The following ARMH4 variants were observed in gnomAD, a reference collection of about 807,000 sequenced individuals.
ARMH4 encodes armadillo like helical domain containing 4.
In ARMH4, 49 loss-of-function variants were observed where a neutral mutation model predicts 61.9. The observed-to-expected ratio is 0.79, with a 90% CI of 0.63 to 1.00. ARMH4 has a LOEUF of 1.00. Among genes scored for constraint, ARMH4 ranks in the 50% least tolerant of loss-of-function variants. ARMH4 has a pLI of 0.00. For synonymous variants in ARMH4, 368 were observed against 341.5 expected (o/e 1.08, Z -0.85); for missense variants, 934 against 930.0 (o/e 1.00, Z -0.06).
rs1300295044 is a variant in ARMH4, at chr14:58,001,064, A to T, written c.*3672T>A. ...CAAGCACCATTTTGCCTCTGCCCTT[A>T]TGAGTTTGATTATTTTGGATACCTC... On this transcript the variant is annotated 3_prime_UTR_variant, in exon 8 of 8. Coordinates refer to ENST00000267485, the MANE Select transcript of ARMH4 (RefSeq NM_001001872.4). The T allele has an allele frequency of 6.6e-6, 1 of 152,190 alleles. No homozygotes were observed. Among genetic ancestry groups the T allele is most frequent in the African/African-American group, 2.4e-5 (1 of 41,446 alleles). The allele number at this position is 152,190 out of a possible 1,614,324, so 9.4% of individuals were successfully genotyped here.
chr14:58,110,890 T>C (rs1246733675), intron 4 of ARMH4, among the ~76,000 whole-genome samples: 1 of 148,230 alleles, frequency 6.7e-6, no homozygotes, highest in East Asian at 1.9e-4. Context: ...GCCCAGCTAA[T>C]TTTTTTTATT....
intron 5 of ARMH4, among the ~76,000 whole-genome samples, chr14:58,015,966 T>G (rs940115170): frequency 2.0e-5 from 3 of 151,746 alleles, no homozygotes; most frequent in Non-Finnish European, 2.9e-5. Flanking sequence ...CAACTGTAAT[T>G]TTTAAAAAAT....
rs769751797 is a variant in ARMH4, at chr14:58,133,388, T to A, written c.1370-47A>T. On this transcript the variant is annotated intron_variant, in intron 2 of 7. Transcript: ENST00000267485. ...AAAAATAGACCAAATCCCTATTTTTTTAAAAAAAAAAAATCATGATATGAT... is the reference window on the plus strand; with the variant it reads ...AAAAATAGACCAAATCCCTATTTTTATAAAAAAAAAAAATCATGATATGAT... 2,421 of 1,367,142 alleles carry A rather than the reference T, an allele frequency of 1.8e-3. 2 individuals carry two copies. The highest frequency in any genetic ancestry group is 6.2e-3 in the African/African-American group (420 of 68,238). 84.7% of individuals were successfully genotyped at this position (1,367,142 alleles called of 1,614,324 possible).
rs1319272345 is a variant in ARMH4 at position 58,138,637 on chromosome 14, G to T, written c.722C>A (p.Ser241Tyr). The change falls in exon 2 of 8, where the codon TCC becomes TAC. Residue 241 changes from serine to tyrosine, a missense_variant. Coordinates refer to ENST00000267485, the MANE Select transcript of ARMH4 (RefSeq NM_001001872.4). ...HRTTSFPGAE[S>Y]TAGSEPGSLT... ...GCTTCCAGGCTCACTGCCTGCTGTG[G>T]ACTCAGCACCAGGAAAAGAAGTTGT... 1 of 1,614,044 alleles carries T rather than the reference G, an allele frequency of 6.2e-7. No individual in the cohort carries two copies. Among genetic ancestry groups the T allele is most frequent in the Non-Finnish European group, 8.5e-7 (1 of 1,180,014 alleles).
chr14:58,121,038 C>T (rs1886705965), intron 4 of ARMH4, among the ~76,000 whole-genome samples: 1 of 152,136 alleles, frequency 6.6e-6, no homozygotes, highest in Non-Finnish European at 1.5e-5. Context: ...CTCCAGACCC[C>T]TTAGATAGGA....
rs1883043209 is a variant in ARMH4 at position 58,026,971 on chromosome 14, T to C, written c.2090-14821A>G. Among the ~76,000 whole-genome samples, 4 of 152,338 alleles carry C rather than the reference T, an allele frequency of 2.6e-5. No individual in the cohort carries two copies. In the South Asian group the frequency reaches 8.3e-4, roughly 32 times the overall value. On this transcript the variant is annotated intron_variant, in intron 5 of 7. Transcript: ENST00000267485. The stretch of plus-strand genomic sequence containing the variant: ...AGAAGCTCCCACCTCCCTAGTGCCT[T>C]GACTTAGCCAGCAGATGAAATCAAT...
chr14:58,010,256 A>G (rs1442300873), intron 6 of ARMH4, among the ~76,000 whole-genome samples: 3 of 152,176 alleles, frequency 2.0e-5, no homozygotes, highest in South Asian at 2.1e-4. Flanking sequence ...GTATATATAT[A>G]TATGTGTGTA....
chr14:58,113,208 A>G (rs1321348279), intron 4 of ARMH4, among the ~76,000 whole-genome samples: 1 of 152,190 alleles, frequency 6.6e-6, no homozygotes, highest in Non-Finnish European at 1.5e-5. Context: ...TGAAATTTCT[A>G]TAAATGGAAT....
chr14:58,060,627 T>C (rs1257210840), intron 5 of ARMH4, among the ~76,000 whole-genome samples: 2 of 152,156 alleles, frequency 1.3e-5, no homozygotes, highest in Admixed American at 6.5e-5. Context: ...ACTGTGCCCA[T>C]CGAATCTGTA....
intron 4 of ARMH4, among the ~76,000 whole-genome samples, chr14:58,129,726 C>A (rs1004011151): frequency 1.3e-5 from 2 of 152,190 alleles, no homozygotes; most frequent in Non-Finnish European, 2.9e-5. Flanking sequence ...ATAAAACTAA[C>A]AATGGTATTA....
chr14:58,034,138 A>G (rs1883374171), intron 5 of ARMH4, among the ~76,000 whole-genome samples: 1 of 133,622 alleles, frequency 7.5e-6, no homozygotes, highest in South Asian at 2.4e-4. Context: ...AAAAAATGTT[A>G]AGGGCAGCCA....
chr14:58,021,335 G>T (rs2141147551), intron 5 of ARMH4, among the ~76,000 whole-genome samples: 1 of 152,282 alleles, frequency 6.6e-6, no homozygotes, highest in South Asian at 2.1e-4. Context: ...CACAAGATCT[G>T]TTGGTTTTAT....
intron 2 of ARMH4, 48 bp downstream of exon 2, chr14:58,137,942 A>G: frequency 6.5e-7 from 1 of 1,543,818 alleles, no homozygotes; most frequent in East Asian, 2.3e-5. Context: ...AAAAAATTGA[A>G]AGTTTCCAAA....
chr14:58,030,445 C>T (rs772093017), intron 5 of ARMH4, among the ~76,000 whole-genome samples: 1 of 152,154 alleles, frequency 6.6e-6, no homozygotes, highest in Non-Finnish European at 1.5e-5. Context: ...TGTTGATTTC[C>T]CAATTTTTTT....
intron 2 of ARMH4, among the ~76,000 whole-genome samples, chr14:58,135,337 G>A (rs545541400): frequency 1.3e-5 from 2 of 152,182 alleles, no homozygotes; most frequent in South Asian, 2.1e-4. Context: ...TAGCACATAG[G>A]GCAATGCTCT....
Position 58,004,312 on chromosome 14 carries a change from T to C in ARMH4, c.*424A>G. ...GGTTTCAAGTAGGTAGAGTATATCT[T>C]GAGAAGTTATTCTTTGTTAAGATTT... On this transcript the variant is annotated 3_prime_UTR_variant, in exon 8 of 8. Coordinates refer to ENST00000267485, the MANE Select transcript of ARMH4 (RefSeq NM_001001872.4). The C allele has an allele frequency of 6.4e-6, 1 of 156,982 alleles. No individual in the cohort carries two copies. The highest frequency in any genetic ancestry group is 1.9e-4 in the East Asian group (1 of 5,374). The allele number at this position is 156,982 out of a possible 1,614,324, so 9.7% of individuals were successfully genotyped here.
intron 5 of ARMH4, among the ~76,000 whole-genome samples, chr14:58,029,189 CAT>C (rs1883125851): frequency 6.6e-6 from 1 of 151,836 alleles, no homozygotes; most frequent in African/African-American, 2.4e-5. Flanking sequence ...TAAGTTGAAT[CAT>C]ACAACATATG....
chr14:58,015,754 TAA>T (rs34004432), intron 5 of ARMH4, among the ~76,000 whole-genome samples: 22 of 136,210 alleles, frequency 1.6e-4, no homozygotes, highest in East Asian at 2.1e-4. Flanking sequence ...TATTTTTAGT[TAA>T]AAAAAAAAAA....
At chr14:58,097,449 G>A (rs903791471) in intron 4 of ARMH4, among the ~76,000 whole-genome samples, 1 of 152,158 alleles carries the variant, frequency 6.6e-6, no homozygotes, top group African/African-American at 2.4e-5. Flanking sequence ...ACATCAGTGA[G>A]TAGAACTCAC....
Sources: allele counts gnomAD v4.1 joint callset (sites outside exome capture counted in the v4.1 genomes callset), GRCh38; gene constraint gnomAD v4.1.1; transcripts MANE v1.5; gene names NCBI Gene and HGNC (gene_info 2026-07-23, HGNC 2026-07-21).